The following BTBD1 variants were observed in gnomAD, a reference collection of about 807,000 sequenced individuals.
BTBD1 encodes the protein BTB domain containing 1.
BTBD1 carries 34 observed loss-of-function variants against 48.0 expected under a neutral mutation model. The ratio of observed to expected loss-of-function variants is 0.71; its 90% CI spans 0.54 to 0.94. BTBD1 has a LOEUF of 0.94. BTBD1 is among the 40% of genes least tolerant of loss of function. The pLI is 0.00. For synonymous variants in BTBD1, 261 were observed against 242.1 expected, an observed-to-expected ratio of 1.08 and a Z score of -0.72; for missense variants, 543 against 625.6, an observed-to-expected ratio of 0.87 and a Z score of 1.41.
intron 1 of BTBD1, among the ~76,000 whole-genome samples, chr15:83,064,604 G>C (rs1005272812): frequency 2.0e-5 from 3 of 151,896 alleles, no homozygotes; most frequent in Non-Finnish European, 4.4e-5. Flanking sequence ...TTTTAGATTT[G>C]TGGTTCTTAA....
chr15:83,065,546 C>T (rs952258544), intron 1 of BTBD1, among the ~76,000 whole-genome samples: 2 of 152,230 alleles, frequency 1.3e-5, no homozygotes, highest in Admixed American at 1.3e-4. Context: ...TTCTGTCCCA[C>T]TGACCTGCCT....
intron 3 of BTBD1, 70 bp from the exon 4 acceptor site, chr15:83,041,995 C>T (rs1596436869): frequency 1.5e-6 from 2 of 1,308,708 alleles, no homozygotes; most frequent in East Asian, 2.4e-5. Context: ...TACCAACAGA[C>T]ACACTTATAT....
chr15:83,049,675 G>A (rs1048232444), intron 3 of BTBD1, among the ~76,000 whole-genome samples: 14 of 151,862 alleles, frequency 9.2e-5, no homozygotes, highest in Non-Finnish European at 1.3e-4. Context: ...TTGCTGTACC[G>A]ACTATTTCAT....
At chr15:83,064,472 C>G (rs2033227379) in intron 1 of BTBD1, among the ~76,000 whole-genome samples, 1 of 152,136 alleles carries the variant, frequency 6.6e-6, no homozygotes, top group Admixed American at 6.5e-5. Flanking sequence ...AACTTACTTT[C>G]TATTGATGGG....
intron 2 of BTBD1, among the ~76,000 whole-genome samples, chr15:83,053,324 AT>A (rs2033027106): frequency 6.6e-6 from 1 of 152,172 alleles, no homozygotes; most frequent in Non-Finnish European, 1.5e-5. Context: ...TCACATGACA[AT>A]TTATGGGCTA....
chr15:83,050,275 A>G lies in BTBD1; in HGVS notation c.559-97T>C, dbSNP rs554705843. The G allele has an allele frequency of 1.4e-4, 86 of 627,742 alleles. No individual in the cohort carries two copies. The African/African-American group carries it at 1.5e-3, about 11-fold the overall frequency. The allele number at this position is 627,742 out of a possible 1,614,324, so 38.9% of individuals were successfully genotyped here. On this transcript the variant is annotated intron_variant, in intron 2 of 7. Transcript: ENST00000261721. The stretch of plus-strand genomic sequence containing the variant: ...AATATTGTCAACAGTTATAATTGCT[A>G]ATTATGTAAAAATATCTACTTAAAA...
intron 1 of BTBD1, among the ~76,000 whole-genome samples, chr15:83,062,784 G>A (rs1438952707): frequency 6.6e-6 from 1 of 152,154 alleles, no homozygotes; most frequent in Non-Finnish European, 1.5e-5. Context: ...GAGAAAGGAT[G>A]AGAGCTGAGG....
chr15:83,059,822 C>T (rs2033148372), intron 1 of BTBD1, among the ~76,000 whole-genome samples: 1 of 152,174 alleles, frequency 6.6e-6, no homozygotes, highest in Admixed American at 6.5e-5. Flanking sequence ...AAACTCCTGG[C>T]CTCAAGCAAT....
intron 3 of BTBD1, among the ~76,000 whole-genome samples, chr15:83,049,510 T>G (rs915278097): frequency 1.4e-4 from 21 of 152,214 alleles, no homozygotes; most frequent in African/African-American, 4.8e-4. Context: ...CGCACCATTT[T>G]CCGGATTTGC....
chr15:83,067,089 G>A lies in BTBD1; in HGVS notation c.63C>T (p.Gly21=), dbSNP rs578224526. ...EQASGAEAEP[G]PAGPPPPPSP... The stretch of plus-strand genomic sequence containing the variant: ...AGGGCGGCGGCGGCGGCCCCGCGGG[G>A]CCCGGCTCCGCCTCAGCCCCCGACG... Residue 21 remains glycine (G), a synonymous_variant, in exon 1 of 8, where the codon GGC becomes GGT. Transcript: ENST00000261721. The A allele has an allele frequency of 1.7e-5, 26 of 1,515,846 alleles. No individual in the cohort carries two copies. In the East Asian group the frequency reaches 6.5e-4, roughly 38 times the overall value. The allele number at this position is 1,515,846 out of a possible 1,614,324, so 93.9% of individuals were successfully genotyped here.
At chr15:83,051,877 T>TATACACAC (rs1555441191) in intron 2 of BTBD1, among the ~76,000 whole-genome samples, 22 of 138,902 alleles carry the variant, frequency 1.6e-4, no homozygotes, top group African/African-American at 3.0e-4. Flanking sequence ...TCCATATATA[T>TATACACAC]ACACACACAC....
intron 4 of BTBD1, 80 bp from the exon 5 acceptor site, chr15:83,030,408 A>G: frequency 8.4e-7 from 1 of 1,191,988 alleles, no homozygotes; most frequent in Non-Finnish European, 1.2e-6. Flanking sequence ...ACGTAAATTC[A>G]AATCTAGAGG....
intron 2 of BTBD1, 82 bp downstream of exon 2, chr15:83,056,307 C>A (rs2033080385): frequency 2.4e-6 from 2 of 845,688 alleles, no homozygotes; most frequent in Non-Finnish European, 1.8e-6. Flanking sequence ...ATCTAGAATT[C>A]TCCAGGAAAT....
chr15:83,024,869 T>C (rs2032372734), intron 5 of BTBD1, among the ~76,000 whole-genome samples: 1 of 152,188 alleles, frequency 6.6e-6, no homozygotes, highest in Non-Finnish European at 1.5e-5. Flanking sequence ...CCCAAAGTGC[T>C]GGGATTACAG....
At position 83,018,082 on chromosome 15, in the gene BTBD1, G is replaced by A; in HGVS notation, c.1434C>T (p.Ile478=). ...TAATGCTAAATTATGTATAAAATATGATTTCTGGAATTTGTCCATCTTCTA... is the reference window on the plus strand; with the variant it reads ...TAATGCTAAATTATGTATAAAATATAATTTCTGGAATTTGTCCATCTTCTA... ...TSIEDGQIPE[I]IFYT The change falls in exon 8 of 8, where the codon ATC becomes ATT. Residue 478 remains isoleucine, a synonymous_variant. Transcript: ENST00000261721. The A allele has an allele frequency of 3.1e-6, 5 of 1,603,526 alleles. No individual in the cohort carries two copies. The highest frequency in any genetic ancestry group is 3.4e-6 in the Non-Finnish European group (4 of 1,173,640).
chr15:83,032,432 C>A (rs2032535444), intron 4 of BTBD1, among the ~76,000 whole-genome samples: 1 of 152,086 alleles, frequency 6.6e-6, no homozygotes, highest in South Asian at 2.1e-4. Context: ...CTTGCACGTA[C>A]ATGTTTATAG....
At chr15:83,032,879 G>A (rs2032546975) in intron 4 of BTBD1, among the ~76,000 whole-genome samples, 1 of 148,896 alleles carries the variant, frequency 6.7e-6, no homozygotes, top group Non-Finnish European at 1.5e-5. Context: ...GGCTGAGGCA[G>A]GAGAATCACT....
chr15:83,060,940 T>C (rs1183866124), intron 1 of BTBD1, among the ~76,000 whole-genome samples: 1 of 152,252 alleles, frequency 6.6e-6, no homozygotes, highest in Non-Finnish European at 1.5e-5. Flanking sequence ...ATTGAGGGAC[T>C]ATATAGCAGG....
At chr15:83,059,268 G>A (rs1024289197) in intron 1 of BTBD1, among the ~76,000 whole-genome samples, 2 of 152,018 alleles carry the variant, frequency 1.3e-5, no homozygotes, top group Non-Finnish European at 2.9e-5. Flanking sequence ...AAAGTTGGCC[G>A]GGCATGGTGG....
Sources: allele counts gnomAD v4.1 joint callset (sites outside exome capture counted in the v4.1 genomes callset), GRCh38; gene constraint gnomAD v4.1.1; transcripts MANE v1.5; gene names NCBI Gene and HGNC (gene_info 2026-07-23, HGNC 2026-07-21).